The following PDE6C variants were observed in gnomAD, a reference collection of about 807,000 sequenced individuals.
PDE6C encodes phosphodiesterase 6C, also known as cone cGMP-specific 3',5'-cyclic phosphodiesterase subunit alpha'.
A neutral mutation model predicts 113.1 loss-of-function variants in PDE6C; 75 were observed. The ratio of observed to expected loss-of-function variants is 0.66; its 90% CI spans 0.55 to 0.80. The LOEUF is 0.80. Ranked by LOEUF, PDE6C falls within the 30% of genes least tolerant of loss-of-function variation. The pLI, the probability that PDE6C is intolerant of heterozygous loss-of-function variation, is 0.00. For missense variants in PDE6C, 912 were observed against 1,038.6 expected (o/e 0.88, Z 1.67); for synonymous variants, 375 against 363.7 (o/e 1.03, Z -0.35).
chr10:93,616,191 A>T (rs1227807731), intron 1 of PDE6C, among the ~76,000 whole-genome samples: 2 of 152,226 alleles, frequency 1.3e-5, no homozygotes, highest in East Asian at 3.8e-4. Flanking sequence ...GAAGTGGCAG[A>T]TCTGGGGCAA....
chr10:93,634,223 A>T (rs530147595), intron 8 of PDE6C, among the ~76,000 whole-genome samples: 1 of 152,132 alleles, frequency 6.6e-6, no homozygotes, highest in African/African-American at 2.4e-5. Flanking sequence ...GGGTTTCACC[A>T]TGTTGACCAG....
intron 16 of PDE6C, among the ~76,000 whole-genome samples, chr10:93,657,113 A>G (rs2058641224): frequency 6.6e-6 from 1 of 151,674 alleles, no homozygotes; most frequent in Admixed American, 6.6e-5. Flanking sequence ...TGTATTCATA[A>G]TTTCCATCCA....
In PDE6C at chr10:93,612,722, C is replaced by T. The variant is rs751105575; in HGVS notation, c.-4C>T. On this transcript the variant is annotated 5_prime_UTR_variant, in exon 1 of 22. Coordinates refer to ENST00000371447, the MANE Select transcript of PDE6C (RefSeq NM_006204.4). ...TGAACAAACGCAGCAAAGCAAGCCA[C>T]ACCATGGGTGAGATCAACCAAGTTG... 6 of 1,613,602 alleles carry T rather than the reference C, an allele frequency of 3.7e-6. No homozygotes were observed. Among genetic ancestry groups the T allele is most frequent in the African/African-American group, 2.7e-5 (2 of 74,920 alleles).
chr10:93,636,364 G>GTGTGT (rs1170041012), intron 10 of PDE6C, among the ~76,000 whole-genome samples: 10 of 111,782 alleles, frequency 8.9e-5, no homozygotes, highest in Admixed American at 2.2e-4. Context: ...TTATTTCCCT[G>GTGTGT]GCTTTGTGTG....
chr10:93,646,849 C>T (rs931331640), intron 15 of PDE6C, among the ~76,000 whole-genome samples: 1 of 152,146 alleles, frequency 6.6e-6, no homozygotes, highest in Non-Finnish European at 1.5e-5. Flanking sequence ...GGTGGAGACA[C>T]AGATCCAAAC....
chr10:93,644,456 G>T (rs978250125), intron 14 of PDE6C, among the ~76,000 whole-genome samples: 2 of 151,892 alleles, frequency 1.3e-5, no homozygotes, highest in African/African-American at 4.8e-5. Flanking sequence ...TACTTTTGGG[G>T]TACATGATAT....
intron 20 of PDE6C, 142 bp downstream of exon 20, chr10:93,662,785 C>T: frequency 1.5e-6 from 1 of 675,292 alleles, no homozygotes; most frequent in Non-Finnish European, 2.7e-6. Context: ...TGAGGTTTTA[C>T]CCTAATCTCA....
In PDE6C at chr10:93,660,015, G is replaced by GA. The variant is rs577512324; in HGVS notation, c.2208+854dup. ...CCACTTGCTTTCTTACTAATTGGAT[G>GA]AAAAAACCTTCCTTTTTCCTCCAGT... On this transcript the variant is annotated intron_variant, in intron 18 of 21. Coordinates refer to ENST00000371447, the MANE Select transcript of PDE6C (RefSeq NM_006204.4). Among the ~76,000 whole-genome samples, 12 of 152,294 alleles carry GA rather than the reference G, an allele frequency of 7.9e-5. No homozygotes were observed. The South Asian group carries it at 1.9e-3, about 24-fold the overall frequency.
At chr10:93,621,046 A>G in intron 3 of PDE6C, 66 bp downstream of exon 3, 1 of 1,298,560 alleles carries the variant, frequency 7.7e-7, no homozygotes, top group East Asian at 2.3e-5. Flanking sequence ...CAGAGACAAC[A>G]AATTCAGACC....
At chr10:93,655,983 C>T (rs1589704766) in intron 16 of PDE6C, 123 bp downstream of exon 16, 1 of 742,514 alleles carries the variant, frequency 1.3e-6, no homozygotes, top group South Asian at 1.4e-5. Flanking sequence ...CACAGACACA[C>T]ACACACACAT....
At chr10:93,657,044 C>T (rs1379322949) in intron 16 of PDE6C, among the ~76,000 whole-genome samples, 1 of 152,130 alleles carries the variant, frequency 6.6e-6, no homozygotes, top group Admixed American at 6.5e-5. Flanking sequence ...TCCACCCCTA[C>T]TCCACTATGA....
intron 4 of PDE6C, among the ~76,000 whole-genome samples, chr10:93,622,662 GTTGTTT>G (rs2058453884): frequency 6.0e-5 from 3 of 49,748 alleles, no homozygotes; most frequent in East Asian, 6.4e-4. Context: ...TTTTTTTTTT[GTTGTTT>G]TTTTTTTTTT....
At chr10:93,629,708 A>C (rs1462790956) in intron 8 of PDE6C, among the ~76,000 whole-genome samples, 4 of 152,182 alleles carry the variant, frequency 2.6e-5, no homozygotes, top group Admixed American at 6.5e-5. Context: ...AGGACGGCAC[A>C]ACCCAGATCT....
intron 14 of PDE6C, 122 bp from the exon 15 acceptor site, chr10:93,645,838 G>T: frequency 1.5e-6 from 1 of 671,936 alleles, no homozygotes; most frequent in Non-Finnish European, 2.7e-6. Context: ...TGTTATTTTT[G>T]ACCACTTCAC....
chr10:93,660,196 G>A (rs966304997), intron 18 of PDE6C, among the ~76,000 whole-genome samples: 1 of 152,096 alleles, frequency 6.6e-6, no homozygotes, highest in African/African-American at 2.4e-5. Flanking sequence ...TCATGACTGA[G>A]GCCCCTATAA....
intron 20 of PDE6C, 44 bp from the exon 21 acceptor site, chr10:93,662,984 T>C (rs1339749050): frequency 6.5e-6 from 10 of 1,542,202 alleles, no homozygotes; most frequent in Non-Finnish European, 8.9e-6. Context: ...TCCTGAAAAT[T>C]AACTGTATGA....
chr10:93,615,657 C>A (rs2058416587), intron 1 of PDE6C, among the ~76,000 whole-genome samples: 1 of 152,232 alleles, frequency 6.6e-6, no homozygotes, highest in Non-Finnish European at 1.5e-5. Context: ...GCTGGGATTA[C>A]AGGCGTGAGC....
intron 14 of PDE6C, among the ~76,000 whole-genome samples, chr10:93,642,713 G>A (rs145758013): frequency 6.6e-6 from 1 of 152,194 alleles, no homozygotes; most frequent in Non-Finnish European, 1.5e-5. Flanking sequence ...CTCAAAGATT[G>A]TTGTGAGAAT....
intron 21 of PDE6C, 89 bp from the exon 22 acceptor site, chr10:93,665,271 A>G: frequency 1.0e-6 from 1 of 990,686 alleles, no homozygotes; most frequent in Non-Finnish European, 1.6e-6. Context: ...TTAGTCTACA[A>G]AGTTGACACT....
Sources: gnomAD v4.1 joint callset for allele counts (sites outside exome capture counted in the v4.1 genomes callset) on GRCh38, gnomAD v4.1.1 for gene constraint, MANE v1.5 for transcripts, NCBI Gene and HGNC (gene_info 2026-07-23, HGNC 2026-07-21) for gene names.